Variants in PNPLA4 observed in about 807,000 individuals in gnomAD.
PNPLA4 encodes patatin like domain 4, phospholipase and triacylglycerol lipase.
PNPLA4 carries 15 observed loss-of-function variants against 18.3 expected under a neutral mutation model. The observed-to-expected ratio is 0.82, with a 90% CI of 0.55 to 1.26. The LOEUF is 1.26. PNPLA4 is among the 50% of genes most tolerant of loss of function. PNPLA4 has a pLI of 0.00. For missense variants in PNPLA4, 229 were observed against 196.8 expected, an observed-to-expected ratio of 1.16 and a Z score of -0.98; for synonymous variants, 88 against 85.6, an observed-to-expected ratio of 1.03 and a Z score of -0.16.
rs1231636055 is a variant in PNPLA4 at position 7,925,989 on chromosome X, G to A, written c.131C>T (p.Ala44Val). ...KDVKAFAGAS[A>V]GSLVASVLLT... ...CAGAACAGAAGCAACCAACGATCCC[G>A]CAGACGCCCCAGCGAAGGCTTTGAC... Residue 44 changes from alanine to valine, a missense_variant, in exon 2 of 7, where the codon GCG becomes GTG. Coordinates refer to ENST00000381042, the MANE Select transcript of PNPLA4 (RefSeq NM_004650.3). 1.7e-6 allele frequency: 2 copies of A among 1,211,355 alleles called. No homozygotes were observed. The highest frequency in any genetic ancestry group is 3.5e-5 in the South Asian group (2 of 56,909).
intron 1 of PNPLA4, 34 bp downstream of exon 1, chrX:7,927,252 G>A (rs191405157): frequency 2.6e-5 from 3 of 113,532 alleles, no homozygotes; most frequent in South Asian, 3.5e-4. Flanking sequence ...AGTCCCGCAG[G>A]AGCACACCCT....
At chrX:7,903,801 A>G (rs761285160) in intron 5 of PNPLA4, among the ~76,000 whole-genome samples, 1 of 112,155 alleles carries the variant, frequency 8.9e-6, no homozygotes, top group East Asian at 2.8e-4. Flanking sequence ...ACTGACCTGC[A>G]TAATTTGCAT....
intron 4 of PNPLA4, among the ~76,000 whole-genome samples, chrX:7,916,344 G>A (rs182637021): frequency 9.0e-6 from 1 of 111,183 alleles, no homozygotes; most frequent in African/African-American, 3.3e-5. Context: ...TCTGGAACTC[G>A]AAATGAATGA....
intron 5 of PNPLA4, among the ~76,000 whole-genome samples, chrX:7,907,940 T>C (rs1396734841): frequency 1.2e-4 from 13 of 107,715 alleles, no homozygotes; most frequent in Non-Finnish European, 2.3e-4. Context: ...TTTCCCAAGT[T>C]AAAAAGAAAA....
At chrX:7,911,020 T>G (rs1472009404) in intron 5 of PNPLA4, among the ~76,000 whole-genome samples, 2 of 111,665 alleles carry the variant, frequency 1.8e-5, no homozygotes, top group Admixed American at 9.6e-5. Context: ...CTCTATTTGA[T>G]TACAAAATAT....
chrX:7,926,830 C>T (rs1171116104), intron 1 of PNPLA4, among the ~76,000 whole-genome samples: 5 of 112,491 alleles, frequency 4.4e-5, no homozygotes, highest in African/African-American at 1.6e-4. Context: ...ACATGTTTTC[C>T]TATGCCTCAG....
intron 5 of PNPLA4, among the ~76,000 whole-genome samples, chrX:7,910,323 C>T (rs1417466167): frequency 9.0e-6 from 1 of 111,242 alleles, no homozygotes; most frequent in African/African-American, 3.3e-5. Context: ...TGCCTCGATC[C>T]TATTAGCCAA....
At chrX:7,921,580 T>C (rs1601651176) in intron 4 of PNPLA4, 133 bp downstream of exon 4, 2 of 577,821 alleles carry the variant, frequency 3.5e-6, no homozygotes, top group East Asian at 6.7e-5. Context: ...AGTAATTTAC[T>C]GAGCACTCAA....
At chrX:7,913,303 A>T (rs1312403385) in intron 4 of PNPLA4, among the ~76,000 whole-genome samples, 1 of 111,993 alleles carries the variant, frequency 8.9e-6, no homozygotes, top group East Asian at 2.8e-4. Flanking sequence ...GTACTCAACA[A>T]ACATCTGTTG....
chrX:7,909,949 G>A (rs1923822631), intron 5 of PNPLA4, among the ~76,000 whole-genome samples: 1 of 111,699 alleles, frequency 9.0e-6, no homozygotes, highest in African/African-American at 3.3e-5. Context: ...AGAAGAAAGT[G>A]TATATTGGAA....
At position 7,901,976 on chromosome X, in the gene PNPLA4, C is replaced by G. The variant is rs1396584419; in HGVS notation, c.630+13G>C. 2 of 1,200,807 alleles carry G rather than the reference C, an allele frequency of 1.7e-6. No individual in the cohort carries two copies. Among genetic ancestry groups the G allele is most frequent in the South Asian group, 3.6e-5 (2 of 55,497 alleles). On this transcript the variant is annotated intron_variant, in intron 6 of 6. Transcript: ENST00000381042. ...TCAGAACTCTTCAAATATCACTGAACATAATTACTCACCATGATATCCTGC... is the reference window on the plus strand; with the variant it reads ...TCAGAACTCTTCAAATATCACTGAAGATAATTACTCACCATGATATCCTGC...
intron 4 of PNPLA4, among the ~76,000 whole-genome samples, chrX:7,915,766 CT>C (rs1230547301): frequency 4.4e-5 from 5 of 112,443 alleles, no homozygotes; most frequent in African/African-American, 1.6e-4. Flanking sequence ...TTACTGTGGA[CT>C]TTAATGAGAA....
chrX:7,917,179 G>T (rs769129814), intron 4 of PNPLA4, among the ~76,000 whole-genome samples: 2 of 112,420 alleles, frequency 1.8e-5, no homozygotes, highest in South Asian at 7.3e-4. Context: ...AACTAGCATT[G>T]CAGCTATCAA....
chrX:7,914,965 T>C (rs1417709077), intron 4 of PNPLA4, among the ~76,000 whole-genome samples: 3 of 111,965 alleles, frequency 2.7e-5, no homozygotes, highest in African/African-American at 9.7e-5. Flanking sequence ...TCTCCCTTTA[T>C]ATGGACTGAT....
intron 5 of PNPLA4, among the ~76,000 whole-genome samples, chrX:7,904,776 C>T (rs962547750): frequency 3.5e-4 from 39 of 112,176 alleles, no homozygotes; most frequent in African/African-American, 1.2e-3. Flanking sequence ...TCATGGGCAG[C>T]ATTTTACATG....
intron 2 of PNPLA4, 87 bp downstream of exon 2, chrX:7,925,853 T>C (rs1396393884): frequency 1.3e-6 from 1 of 756,173 alleles, no homozygotes; most frequent in African/African-American, 2.1e-5. Flanking sequence ...TTCTCTGCAG[T>C]GTTAACTTAG....
Position 7,902,202 on chromosome X carries a change from C to T in PNPLA4, c.478-61G>A, listed in dbSNP as rs1272541264. 4.8e-6 allele frequency: 5 copies of T among 1,047,887 alleles called. No individual in the cohort carries two copies. The African/African-American group carries it at 9.5e-5, about 20-fold the overall frequency. 86.4% of individuals were successfully genotyped at this position (1,047,887 alleles called of 1,213,427 possible). A position where few individuals can be genotyped will look rare whatever the true frequency, so the allele number is the denominator to read the frequency against. On this transcript the variant is annotated intron_variant, in intron 5 of 6. Transcript: ENST00000381042. ...ACAACACATCCTGCACAAAGAAAAG[C>T]AGCTTCTAATAATATGTGTGCCTTG...
At chrX:7,924,288 C>T (rs1165401875) in intron 2 of PNPLA4, among the ~76,000 whole-genome samples, 2 of 111,581 alleles carry the variant, frequency 1.8e-5, no homozygotes, top group Non-Finnish European at 3.8e-5. Flanking sequence ...TAATTACACA[C>T]GTATTTGTCA....
chrX:7,912,413 T>C (rs192477534), intron 4 of PNPLA4, among the ~76,000 whole-genome samples: 139 of 112,253 alleles, frequency 1.2e-3, no homozygotes, highest in African/African-American at 4.2e-3. Flanking sequence ...AGATAAATTA[T>C]ATGTAATGTT....
Sources: allele counts gnomAD v4.1 joint callset (sites outside exome capture counted in the v4.1 genomes callset), GRCh38; gene constraint gnomAD v4.1.1; transcripts MANE v1.5; gene names NCBI Gene and HGNC (gene_info 2026-07-23, HGNC 2026-07-21).